The following MMP16 variants were observed in gnomAD, a reference collection of about 807,000 sequenced individuals.
MMP16 encodes matrix metalloproteinase-16.
MMP16 carries 12 observed loss-of-function variants against 67.8 expected under a neutral mutation model. That is an observed-to-expected ratio of 0.18 (90% CI 0.11 to 0.29). The LOEUF (loss-of-function observed/expected upper bound fraction) is 0.29. Ranked by LOEUF, MMP16 falls within the 10% of genes least tolerant of loss-of-function variation. The probability of loss-of-function intolerance (pLI) is 1.00; values close to 1 mark genes in which losing one functional copy is unlikely to be tolerated. For synonymous variants in MMP16, 249 were observed against 255.9 expected (o/e 0.97, Z 0.26); for missense variants, 475 against 765.7 (o/e 0.62, Z 4.48).
chr8:88,309,930 AG>A (rs925269771), intron 1 of MMP16, among the ~76,000 whole-genome samples: 2 of 152,116 alleles, frequency 1.3e-5, no homozygotes, highest in African/African-American at 4.8e-5. Flanking sequence ...TCAGTCTTCA[AG>A]TTTTACATGC....
chr8:88,135,688 C>T (rs923452492), intron 4 of MMP16, among the ~76,000 whole-genome samples: 15 of 151,894 alleles, frequency 9.9e-5, no homozygotes, highest in South Asian at 2.1e-4. Context: ...AATGAGATAA[C>T]GGACAAATTA....
chr8:88,158,969 TG>T (rs1248025803), intron 4 of MMP16, among the ~76,000 whole-genome samples: 20 of 152,306 alleles, frequency 1.3e-4, no homozygotes, highest in African/African-American at 4.6e-4. Flanking sequence ...AAAGATTAGA[TG>T]GTTGTAGATG....
chr8:88,210,111 A>G (rs1004558965), intron 1 of MMP16, among the ~76,000 whole-genome samples: 2 of 152,052 alleles, frequency 1.3e-5, no homozygotes, highest in African/African-American at 4.8e-5. Context: ...TGGCACCCTG[A>G]CCTCAGACTT....
intron 7 of MMP16, chr8:88,069,396 TC>T (rs753760389): frequency 4.0e-6 from 2 of 503,868 alleles, no homozygotes; most frequent in Non-Finnish European, 8.0e-6. Context: ...AGATAATTCT[TC>T]ATAGGTCTTG....
At chr8:88,324,102 T>A (rs1259219933) in intron 1 of MMP16, among the ~76,000 whole-genome samples, 2 of 152,152 alleles carry the variant, frequency 1.3e-5, no homozygotes, top group African/African-American at 4.8e-5. Flanking sequence ...AGTGTTCCAC[T>A]TGAAATGAAA....
intron 1 of MMP16, among the ~76,000 whole-genome samples, chr8:88,309,879 T>C (rs1459546740): frequency 1.3e-5 from 2 of 152,120 alleles, no homozygotes; most frequent in Non-Finnish European, 2.9e-5. Context: ...CTAATTTTAA[T>C]GTAAGTTACT....
At chr8:88,140,357 C>T (rs1276998130) in intron 4 of MMP16, among the ~76,000 whole-genome samples, 1 of 152,072 alleles carries the variant, frequency 6.6e-6, no homozygotes, top group African/African-American at 2.4e-5. Context: ...AAACTATATC[C>T]TTTTTATGAC....
chr8:88,130,766 G>A (rs1447500296), intron 4 of MMP16, among the ~76,000 whole-genome samples: 2 of 148,104 alleles, frequency 1.4e-5, no homozygotes, highest in Non-Finnish European at 3.0e-5. Flanking sequence ...ATACGTGTGT[G>A]TGTGTGTGTG....
In MMP16 at chr8:88,167,933, G is replaced by A; in HGVS notation, c.445C>T (p.Arg149Cys). The A allele has an allele frequency of 1.9e-6, 3 of 1,613,278 alleles. No homozygotes were observed. Among genetic ancestry groups the A allele is most frequent in the Non-Finnish European group, 2.5e-6 (3 of 1,179,580 alleles). ...VTPKVGDPET[R>C]KAIRRAFDVW... is the part of the protein sequence containing the mutation. ...TCAAAGGCACGGCGAATAGCTTTAC[G>A]AGTCTCAGGGTCTCCTACTTTTGGA... Residue 149 changes from arginine to cysteine, a missense_variant, in exon 4 of 10, where the codon CGT (arginine) becomes TGT (cysteine). Physicochemically the swap from Arg to Cys is radical, Grantham distance 180. Coordinates refer to ENST00000286614, the MANE Select transcript of MMP16 (RefSeq NM_005941.5).
At chr8:88,264,742 G>A (rs1810447699) in intron 1 of MMP16, among the ~76,000 whole-genome samples, 1 of 152,166 alleles carries the variant, frequency 6.6e-6, no homozygotes. Flanking sequence ...GATTGCCATG[G>A]CACTGACCAG....
At chr8:88,301,223 C>CG (rs1811093621) in intron 1 of MMP16, among the ~76,000 whole-genome samples, 1 of 152,006 alleles carries the variant, frequency 6.6e-6, no homozygotes, top group Non-Finnish European at 1.5e-5. Flanking sequence ...GATAACATGC[C>CG]GGGGGGAAAG....
intron 3 of MMP16, among the ~76,000 whole-genome samples, chr8:88,172,167 A>G (rs1808814473): frequency 6.6e-6 from 1 of 152,204 alleles, no homozygotes; most frequent in South Asian, 2.1e-4. Context: ...ATGTTGAATT[A>G]GCAGTATAAA....
At chr8:88,251,052 T>A (rs1563574236) in intron 1 of MMP16, among the ~76,000 whole-genome samples, 1 of 151,662 alleles carries the variant, frequency 6.6e-6, no homozygotes, top group African/African-American at 2.4e-5. Flanking sequence ...CTTGCAATAG[T>A]TTACTGAGAA....
chr8:88,225,444 T>A (rs1341332898), intron 1 of MMP16, among the ~76,000 whole-genome samples: 1 of 152,008 alleles, frequency 6.6e-6, no homozygotes, highest in Non-Finnish European at 1.5e-5. Flanking sequence ...GATACTTCTT[T>A]ATAATTACTA....
intron 3 of MMP16, among the ~76,000 whole-genome samples, chr8:88,179,407 A>C (rs1014905794): frequency 6.6e-6 from 1 of 152,082 alleles, no homozygotes; most frequent in Non-Finnish European, 1.5e-5. Context: ...ACAAATAAAA[A>C]CTAAAAACAC....
chr8:88,214,997 C>T (rs1809566552), intron 1 of MMP16, among the ~76,000 whole-genome samples: 1 of 152,154 alleles, frequency 6.6e-6, no homozygotes, highest in African/African-American at 2.4e-5. Flanking sequence ...AAATTAGTGA[C>T]AAATTTCATT....
At chr8:88,227,189 A>G (rs1324882546) in intron 1 of MMP16, among the ~76,000 whole-genome samples, 2 of 152,100 alleles carry the variant, frequency 1.3e-5, no homozygotes, top group East Asian at 3.9e-4. Flanking sequence ...TTCAGACAGT[A>G]GGTTAAATCT....
chr8:88,168,808 A>G (rs925596006), intron 3 of MMP16, among the ~76,000 whole-genome samples: 1 of 152,146 alleles, frequency 6.6e-6, no homozygotes, highest in Non-Finnish European at 1.5e-5. Context: ...GGAGTCATAA[A>G]TAAGTTTCAG....
intron 6 of MMP16, among the ~76,000 whole-genome samples, chr8:88,104,169 A>G (rs987670720): frequency 2.4e-4 from 37 of 151,834 alleles, no homozygotes; most frequent in African/African-American, 7.5e-4. Flanking sequence ...CATTATTACA[A>G]TAGTACATAT....
Sources: allele counts gnomAD v4.1 joint callset (sites outside exome capture counted in the v4.1 genomes callset), GRCh38; gene constraint gnomAD v4.1.1; transcripts MANE v1.5; gene names NCBI Gene and HGNC (gene_info 2026-07-23, HGNC 2026-07-21).